OR51B5: variants seen among roughly 807,000 people sequenced by gnomAD.
OR51B5 encodes the protein olfactory receptor family 51 subfamily B member 5.
For synonymous variants in OR51B5, 186 were observed against 144.8 expected (o/e 1.28, Z -2.04); for missense variants, 456 against 374.6 (o/e 1.22, Z -1.79).
At chr11:5,497,331 G>C (rs760664401) in intron 1 of OR51B5, among the ~76,000 whole-genome samples, 3 of 152,208 alleles carry the variant, frequency 2.0e-5, no homozygotes, top group Non-Finnish European at 4.4e-5. Flanking sequence ...AGAATCGCTT[G>C]CACCTGGGAG....
At chr11:5,430,946 A>G (rs1438200345) in intron 1 of OR51B5, 3 of 456,914 alleles carry the variant, frequency 6.6e-6, no homozygotes, top group Admixed American at 4.7e-5. Context: ...ATCAAGACAT[A>G]AGAGACCACG....
intron 1 of OR51B5, among the ~76,000 whole-genome samples, chr11:5,366,046 A>C: frequency 6.9e-6 from 1 of 144,894 alleles, no homozygotes; most frequent in East Asian, 1.9e-4. Context: ...GCAGCCAGGT[A>C]ATCAGCATGT....
At chr11:5,345,914 C>T (rs1464975591), upstream of OR51B5, 1 of 150,440 alleles carries the variant, frequency 6.6e-6, no homozygotes, top group African/African-American at 2.4e-5. Context: ...GAGACATAAA[C>T]CAGAATTCAG....
At chr11:5,379,233 T>A (rs1849574156) in intron 1 of OR51B5, among the ~76,000 whole-genome samples, 1 of 152,002 alleles carries the variant, frequency 6.6e-6, no homozygotes, top group Non-Finnish European at 1.5e-5. Context: ...ACACCACATA[T>A]TCTCACTCAT....
intron 1 of OR51B5, chr11:5,488,692 C>A: frequency 1.3e-6 from 2 of 1,570,444 alleles, no homozygotes; most frequent in Non-Finnish European, 1.7e-6. Flanking sequence ...AAGAGCCCTT[C>A]ATTTGCCAGG....
chr11:5,494,872 G>A (rs1851626149), intron 1 of OR51B5, among the ~76,000 whole-genome samples: 1 of 152,166 alleles, frequency 6.6e-6, no homozygotes, highest in African/African-American at 2.4e-5. Context: ...ACTGGATTGA[G>A]AAACAGAGAA....
At chr11:5,387,820 C>T (rs1413316884) in intron 1 of OR51B5, among the ~76,000 whole-genome samples, 1 of 152,148 alleles carries the variant, frequency 6.6e-6, no homozygotes, top group African/African-American at 2.4e-5. Context: ...TCTCTGACTA[C>T]CCTATATAAA....
At chr11:5,367,129 C>G (rs1849382043) in intron 1 of OR51B5, among the ~76,000 whole-genome samples, 1 of 152,018 alleles carries the variant, frequency 6.6e-6, no homozygotes, top group Admixed American at 6.6e-5. Flanking sequence ...CACATGCCAC[C>G]TTGCAAAGCC....
At chr11:5,486,453 AG>A (rs1347529511) in intron 1 of OR51B5, among the ~76,000 whole-genome samples, 6 of 149,342 alleles carry the variant, frequency 4.0e-5, no homozygotes, top group Non-Finnish European at 7.4e-5. Flanking sequence ...AGACCTGAGG[AG>A]GAGGAGAGGG....
intron 1 of OR51B5, among the ~76,000 whole-genome samples, chr11:5,398,643 G>A (rs185984589): frequency 5.9e-5 from 9 of 152,196 alleles, no homozygotes; most frequent in South Asian, 2.1e-4. Flanking sequence ...CCTATATGTC[G>A]GGGGAGGGAC....
At chr11:5,389,115 GC>G (rs1849749433) in intron 1 of OR51B5, among the ~76,000 whole-genome samples, 3 of 152,140 alleles carry the variant, frequency 2.0e-5, no homozygotes, top group Admixed American at 6.5e-5. Context: ...CCAGGAAATT[GC>G]CAAGGATGGG....
chr11:5,384,741 T>C (rs143489741), intron 1 of OR51B5, among the ~76,000 whole-genome samples: 3 of 152,330 alleles, frequency 2.0e-5, no homozygotes, highest in East Asian at 3.9e-4. Context: ...CCAGTTAACA[T>C]AGAAAAGACC....
intron 1 of OR51B5, among the ~76,000 whole-genome samples, chr11:5,472,781 C>CCACTGATTCT (rs899516407): frequency 6.6e-6 from 1 of 152,302 alleles, no homozygotes; most frequent in South Asian, 2.1e-4. Context: ...GAATCCTAGA[C>CCACTGATTCT]CACTGATTCT....
chr11:5,501,934 C>A lies in OR51B5; in HGVS notation n.84+3635G>T, dbSNP rs1054518899. 2.5e-5 allele frequency among the ~76,000 whole-genome samples: 3 copies of A among 121,142 alleles called. 1 individual carries two copies. The highest frequency in any genetic ancestry group is 6.0e-5 in the Non-Finnish European group (3 of 50,352). 79.5% of individuals were successfully genotyped at this position (121,142 alleles called of 152,430 possible). A position where few individuals can be genotyped will look rare whatever the true frequency, so the allele number is the denominator to read the frequency against. On this transcript the variant is annotated intron_variant and non_coding_transcript_variant, in intron 1 of 4. Coordinates refer to the OR51B5 transcript ENST00000415970. ...CTCCCCCAGCGCCCCCAACCCCCGA[C>A]AGGCCCGGTGTGTGATGTTCCCCGC...
chr11:5,474,562 G>C (rs150983516), intron 1 of OR51B5, among the ~76,000 whole-genome samples: 1 of 152,110 alleles, frequency 6.6e-6, no homozygotes, highest in East Asian at 1.9e-4. Flanking sequence ...TTTGAATTTT[G>C]TAGTTAAGCC....
intron 1 of OR51B5, chr11:5,422,122 G>A: frequency 8.9e-7 from 1 of 1,124,194 alleles, no homozygotes; most frequent in Non-Finnish European, 1.3e-6. Flanking sequence ...TGGATTAAAT[G>A]GGGCAAAGAG....
chr11:5,346,053 G>A (rs968571907), upstream of OR51B5, among the ~76,000 whole-genome samples: 2 of 152,052 alleles, frequency 1.3e-5, no homozygotes, highest in African/African-American at 2.4e-5. Flanking sequence ...CTTCTCTGAC[G>A]TTTCAGCAAT....
intron 1 of OR51B5, among the ~76,000 whole-genome samples, chr11:5,485,789 C>A (rs1275687132): frequency 1.3e-5 from 2 of 152,188 alleles, no homozygotes; most frequent in Non-Finnish European, 2.9e-5. Flanking sequence ...GCAAAGATTT[C>A]CCTGGATGTC....
chr11:5,352,481 G>T, intron 1 of OR51B5: 1 of 1,369,654 alleles, frequency 7.3e-7, no homozygotes, highest in Non-Finnish European at 1.0e-6. Context: ...ATAATTCAGG[G>T]GACCTGGACA....
Sources: gnomAD v4.1 joint callset for allele counts (sites outside exome capture counted in the v4.1 genomes callset) on GRCh38, gnomAD v4.1.1 for gene constraint, MANE v1.5 for transcripts, NCBI Gene and HGNC (gene_info 2026-07-23, HGNC 2026-07-21) for gene names.